ATP6V1B1: variants seen among roughly 807,000 people sequenced by gnomAD.
ATP6V1B1 encodes ATPase H+ transporting V1 subunit B1.
In ATP6V1B1, 41 loss-of-function variants were observed where a neutral mutation model predicts 62.1. That is an observed-to-expected ratio of 0.66 (90% confidence interval 0.51 to 0.86). The LOEUF is 0.86. Ranked by LOEUF, ATP6V1B1 falls within the 40% of genes least tolerant of loss-of-function variation. The probability of loss-of-function intolerance (pLI) is 0.00; values close to 1 mark genes in which losing one functional copy is unlikely to be tolerated. For missense variants in ATP6V1B1, 651 were observed against 697.5 expected, an observed-to-expected ratio of 0.93 and a Z score of 0.75; for synonymous variants, 253 against 273.4, an observed-to-expected ratio of 0.93 and a Z score of 0.74.
In ATP6V1B1 at chr2:70,963,931, G is replaced by T; in HGVS notation, c.1143+277G>T. On this transcript the variant is annotated intron_variant, in intron 11 of 13. Coordinates refer to ENST00000234396, the MANE Select transcript of ATP6V1B1 (RefSeq NM_001692.4). The surrounding 1 kb of genome is among the most constrained non-coding windows in gnomAD (Gnocchi z 4.3). ...GAATAATCAAATATATCACCCAGAC[G>T]CATTGTGGAGGATAAAAATAAGTTG... 1 of 534,354 alleles carries T rather than the reference G, an allele frequency of 1.9e-6. No homozygotes were observed. The highest frequency in any genetic ancestry group is 3.4e-6 in the Non-Finnish European group (1 of 295,254). 33.1% of individuals were successfully genotyped at this position (534,354 alleles called of 1,614,324 possible).
chr2:70,941,919 C>A, intron 1 of ATP6V1B1: 1 of 990,812 alleles, frequency 1.0e-6, no homozygotes. Context: ...GCCACTGAAG[C>A]CAGAGTGGAG....
chr2:70,953,377 G>GT (rs1379641155), intron 2 of ATP6V1B1, among the ~76,000 whole-genome samples: 1 of 151,952 alleles, frequency 6.6e-6, no homozygotes, highest in South Asian at 2.1e-4. Context: ...TCATGGATGG[G>GT]TTTTTTTGAC....
chr2:70,946,606 T>C (rs1280836632), intron 2 of ATP6V1B1, among the ~76,000 whole-genome samples: 2 of 152,198 alleles, frequency 1.3e-5, no homozygotes, highest in Admixed American at 6.5e-5. Flanking sequence ...TAAATAATAA[T>C]AGGATTATTG....
chr2:70,951,792 G>T (rs1553418331), intron 2 of ATP6V1B1, among the ~76,000 whole-genome samples: 1 of 151,948 alleles, frequency 6.6e-6, no homozygotes, highest in African/African-American at 2.4e-5. Context: ...CCAGATACTT[G>T]GGAGGCTGAG....
chr2:70,957,542 C>T (rs578123621), intron 2 of ATP6V1B1, among the ~76,000 whole-genome samples: 1 of 152,198 alleles, frequency 6.6e-6, no homozygotes, highest in Non-Finnish European at 1.5e-5. Context: ...GTGTGTTTAC[C>T]CCTAGTCCAC....
intron 2 of ATP6V1B1, among the ~76,000 whole-genome samples, chr2:70,956,555 C>G (rs1255953006): frequency 1.3e-5 from 2 of 152,196 alleles, no homozygotes; most frequent in African/African-American, 4.8e-5. Flanking sequence ...CCTCCCAGCA[C>G]TGTATGAGCA....
rs1038664594 is a variant in ATP6V1B1, at chr2:70,964,938, C to T, written c.1379-20C>T. On this transcript the variant is annotated intron_variant, in intron 13 of 13. Coordinates refer to ENST00000234396, the MANE Select transcript of ATP6V1B1 (RefSeq NM_001692.4). ...CCGCCCCACACACATTCCTAACACT[C>T]CCTCCCGCTCTGTCCCTAGGCCCCT... 3 of 1,614,030 alleles carry T rather than the reference C, an allele frequency of 1.9e-6. No homozygotes were observed. Among genetic ancestry groups the T allele is most frequent in the Non-Finnish European group, 2.5e-6 (3 of 1,180,032 alleles).
chr2:70,935,933 G>C lies in ATP6V1B1; in HGVS notation c.-22G>C. 16 of 1,601,000 alleles carry C rather than the reference G, an allele frequency of 1.0e-5. No individual in the cohort carries two copies. Among genetic ancestry groups the C allele is most frequent in the Non-Finnish European group, 1.4e-5 (16 of 1,169,904 alleles). On this transcript the variant is annotated 5_prime_UTR_variant, in exon 1 of 14. Transcript: ENST00000234396. ...CACCAGCAGCAGGCTCAGACACTGG[G>C]CTCCCAGCTGGGGACTGCTCCATGG...
In ATP6V1B1 at chr2:70,965,308, T is replaced by TC. The variant is rs542747170; in HGVS notation, c.*192dup. 310 of 798,330 alleles carry TC rather than the reference T, an allele frequency of 3.9e-4. 1 individual carries two copies. In the Middle Eastern group the frequency reaches 7.1e-3, roughly 18 times the overall value. The allele number at this position is 798,330 out of a possible 1,614,324, so 49.5% of individuals were successfully genotyped here. A position where few individuals can be genotyped will look rare whatever the true frequency, so the allele number is the denominator to read the frequency against. ...GATTCCTTTTCCCGCGCTCCATGCC[T>TC]CCCCCTCGACTCCCGGTGCTGCGGA... On this transcript the variant is annotated 3_prime_UTR_variant, in exon 14 of 14. Transcript: ENST00000234396.
intron 1 of ATP6V1B1, chr2:70,940,011 G>T (rs6750310): frequency 0.27 from 40,773 of 152,176 alleles, 5,660 homozygotes; most frequent in Middle Eastern, 0.34. Context: ...GGTCACCCGA[G>T]CGGCCTGGCC....
intron 1 of ATP6V1B1, among the ~76,000 whole-genome samples, chr2:70,938,154 C>A (rs1034561084): frequency 2.6e-5 from 4 of 152,140 alleles, no homozygotes; most frequent in African/African-American, 7.2e-5. Flanking sequence ...CTCCCACCCC[C>A]AGGGGAAGGC....
At position 70,964,943 on chromosome 2, in the gene ATP6V1B1, C is replaced by T; in HGVS notation, c.1379-15C>T. ...CCACACACATTCCTAACACTCCCTC[C>T]CGCTCTGTCCCTAGGCCCCTACGAG... On this transcript the variant is annotated splice_polypyrimidine_tract_variant and intron_variant, in intron 13 of 13. Coordinates refer to ENST00000234396, the MANE Select transcript of ATP6V1B1 (RefSeq NM_001692.4). 6.2e-7 allele frequency: 1 copy of T among 1,614,042 alleles called. No individual in the cohort carries two copies.
chr2:70,951,695 C>T (rs922473330), intron 2 of ATP6V1B1, among the ~76,000 whole-genome samples: 11 of 151,922 alleles, frequency 7.2e-5, no homozygotes, highest in African/African-American at 2.4e-4. Context: ...GTCAGGAGTT[C>T]GAGACCAGCC....
intron 2 of ATP6V1B1, among the ~76,000 whole-genome samples, chr2:70,952,373 G>A (rs1680340442): frequency 6.6e-6 from 1 of 151,664 alleles, no homozygotes; most frequent in South Asian, 2.1e-4. Context: ...TGAAGAAGGA[G>A]AATTGCTTGA....
chr2:70,955,287 G>A (rs1680406893), intron 2 of ATP6V1B1, among the ~76,000 whole-genome samples: 2 of 152,196 alleles, frequency 1.3e-5, no homozygotes, highest in Admixed American at 6.5e-5. Flanking sequence ...GACCTCCTGG[G>A]CTCAAGTGAT....
Position 70,960,076 on chromosome 2 carries a change from G to A in ATP6V1B1, c.583G>A (p.Glu195Lys), listed in dbSNP as rs782455439. The A allele has an allele frequency of 2.7e-5, 43 of 1,614,048 alleles. No homozygotes were observed. The highest frequency in any genetic ancestry group is 3.2e-5 in the Non-Finnish European group (38 of 1,180,046). The change falls in exon 6 of 14, where the codon GAG (glutamate) becomes AAG (lysine). Residue 195 changes from glutamate (E) to lysine (K), a missense_variant and splice_region_variant. By Grantham distance (56) the Glu-to-Lys change is moderately conservative. Transcript: ENST00000234396. ...IFSAAGLPHNEIAAQICRQAG... is the reference protein window; with the variant it reads ...IFSAAGLPHNKIAAQICRQAG... ...CTCAGCAGCCGGGCTCCCCCACAAT[G>A]AGGTGAGGCCTGCAGGGCCAGCAGG... is the stretch of plus-strand genomic sequence containing the variant.
At chr2:70,947,983 C>T (rs1490723087) in intron 2 of ATP6V1B1, among the ~76,000 whole-genome samples, 3 of 152,206 alleles carry the variant, frequency 2.0e-5, no homozygotes, top group Non-Finnish European at 4.4e-5. Context: ...ATCCCACCAC[C>T]AACAACAATA....
chr2:70,941,902 A>G, intron 1 of ATP6V1B1: 2 of 988,078 alleles, frequency 2.0e-6, no homozygotes, highest in Non-Finnish European at 2.4e-6. Context: ...GAGTGTAGCC[A>G]TCGGAGGCCA....
At chr2:70,941,659 C>A in intron 1 of ATP6V1B1, 1 of 922,538 alleles carries the variant, frequency 1.1e-6, no homozygotes, top group Non-Finnish European at 1.3e-6. Flanking sequence ...CTTTCATTTG[C>A]CTAGCTTAGT....
Sources: allele counts gnomAD v4.1 joint callset (sites outside exome capture counted in the v4.1 genomes callset), GRCh38; gene constraint gnomAD v4.1.1; non-coding constraint Gnocchi (gnomAD v3.1); transcripts MANE v1.5; gene names NCBI Gene and HGNC (gene_info 2026-07-23, HGNC 2026-07-21).